TMPRSS15: variants seen among roughly 807,000 people sequenced by gnomAD.
TMPRSS15 encodes transmembrane serine protease 15, also known as enteropeptidase.
A neutral mutation model predicts 125.3 loss-of-function variants in TMPRSS15; 128 were observed. The observed-to-expected ratio is 1.02, with a 90% CI of 0.89 to 1.18. The LOEUF is 1.18. Among genes scored for constraint, TMPRSS15 ranks in the 50% most tolerant of loss-of-function variants. The pLI, the probability that TMPRSS15 is intolerant of heterozygous loss-of-function variation, is 0.00. For synonymous variants in TMPRSS15, 446 were observed against 423.2 expected (o/e 1.05, Z -0.66); for missense variants, 1,283 against 1,212.7 (o/e 1.06, Z -0.86).
intron 17 of TMPRSS15, among the ~76,000 whole-genome samples, chr21:18,314,705 G>A (rs752444773): frequency 1.8e-4 from 27 of 152,252 alleles, no homozygotes; most frequent in Non-Finnish European, 3.7e-4. Context: ...TACTCATAAT[G>A]TTATTGAGGT....
chr21:18,469,130 C>T (rs1601473895), intron 1 of TMPRSS15, among the ~76,000 whole-genome samples: 1 of 152,220 alleles, frequency 6.6e-6, no homozygotes, highest in African/African-American at 2.4e-5. Context: ...AGCTGCACTG[C>T]CAGCAGTTTT....
chr21:18,442,751 G>A (rs935579012), intron 1 of TMPRSS15, among the ~76,000 whole-genome samples: 2 of 152,178 alleles, frequency 1.3e-5, no homozygotes, highest in African/African-American at 4.8e-5. Context: ...CCCAAGCTTA[G>A]ATAAAATATT....
chr21:18,463,246 CAAAAAAAAAAAAAA>C lies in TMPRSS15; in HGVS notation c.10+22539_10+22552del, dbSNP rs57033426. Among the ~76,000 whole-genome samples the C allele has an allele frequency of 6.1e-4, 7 of 11,518 alleles. No individual in the cohort carries two copies. In the East Asian group the frequency reaches 0.014, roughly 24 times the overall value. The allele number at this position is 11,518 out of a possible 152,430, so 7.6% of individuals were successfully genotyped here. Reference sequence around the variant, plus strand: ...GAATATTTACCAAGCAAATGGAAAGCAAAAAAAAAAAAAAAAAAAAAAAAAAAAAAAGCCGGGGG... The same window carrying C: ...GAATATTTACCAAGCAAATGGAAAGCAAAAAAAAAAAAAAAAAGCCGGGGG... On this transcript the variant is annotated intron_variant, in intron 1 of 7. Transcript: ENST00000422787.
intron 1 of TMPRSS15, among the ~76,000 whole-genome samples, chr21:18,430,370 T>C (rs1364901100): frequency 6.6e-6 from 1 of 152,184 alleles, no homozygotes; most frequent in Non-Finnish European, 1.5e-5. Flanking sequence ...TTGGGTAATT[T>C]TATGTTGCTT....
At chr21:18,436,240 A>T (rs971804175) in intron 1 of TMPRSS15, among the ~76,000 whole-genome samples, 13 of 150,844 alleles carry the variant, frequency 8.6e-5, no homozygotes, top group African/African-American at 2.7e-4. Flanking sequence ...TCAATTTTGG[A>T]TCTTTCCTGC....
At chr21:18,344,141 A>G (rs2075480890) in intron 10 of TMPRSS15, 81 bp from the exon 11 acceptor site, 1 of 1,187,852 alleles carries the variant, frequency 8.4e-7, no homozygotes, top group Non-Finnish European at 1.2e-6. Flanking sequence ...TAAGCAGGAA[A>G]GAAAAACTTT....
upstream of TMPRSS15, among the ~76,000 whole-genome samples, chr21:18,404,996 T>A (rs928994175): frequency 6.6e-6 from 1 of 151,924 alleles, no homozygotes; most frequent in African/African-American, 2.4e-5. Flanking sequence ...TAGGGGACAA[T>A]TACAATAGGC....
intron 1 of TMPRSS15, among the ~76,000 whole-genome samples, chr21:18,447,397 G>C (rs1231097321): frequency 7.8e-6 from 1 of 127,820 alleles, no homozygotes; most frequent in Non-Finnish European, 1.6e-5. Context: ...CCCAGATCAT[G>C]CCATTGCATT....
At chr21:18,418,233 C>T (rs1013596861) in intron 1 of TMPRSS15, among the ~76,000 whole-genome samples, 3 of 152,156 alleles carry the variant, frequency 2.0e-5, no homozygotes, top group Non-Finnish European at 4.4e-5. Flanking sequence ...ACCCAAAATA[C>T]AGTGTCTAAG....
In TMPRSS15 at chr21:18,329,235, C is replaced by T. The variant is rs936248553; in HGVS notation, c.1714G>A (p.Asp572Asn). ...ACTACATCGTTAATATTTTCTAAGT[C>T]AAATTCTTGAAAATGAAGTTGTATA... ...KNIQLHFQEF[D>N]LENINDVVEI... The change falls in exon 15 of 25, where the codon GAC becomes AAC. Residue 572 changes from aspartate (D) to asparagine (N), a missense_variant. Coordinates refer to ENST00000284885, the MANE Select transcript of TMPRSS15 (RefSeq NM_002772.3). 5.0e-6 allele frequency: 8 copies of T among 1,612,290 alleles called. No homozygotes were observed. The highest frequency in any genetic ancestry group is 6.8e-6 in the Non-Finnish European group (8 of 1,178,836).
At chr21:18,447,687 T>C (rs138900824) in intron 1 of TMPRSS15, among the ~76,000 whole-genome samples, 5 of 152,102 alleles carry the variant, frequency 3.3e-5, no homozygotes, top group East Asian at 1.9e-4. Context: ...AGGGGCTTTT[T>C]CCCTCCTTCA....
intron 24 of TMPRSS15, among the ~76,000 whole-genome samples, chr21:18,271,587 T>G (rs983290527): frequency 2.0e-5 from 3 of 152,092 alleles, no homozygotes; most frequent in Admixed American, 6.5e-5. Context: ...TTACCTTAAT[T>G]TTCTTTTCTT....
At chr21:18,458,303 A>C (rs1473089488) in intron 1 of TMPRSS15, among the ~76,000 whole-genome samples, 1 of 152,148 alleles carries the variant, frequency 6.6e-6, no homozygotes, top group Non-Finnish European at 1.5e-5. Context: ...GGAAGGCATG[A>C]CAAAGCTTAC....
chr21:18,325,300 G>C (rs2075277822), intron 16 of TMPRSS15, among the ~76,000 whole-genome samples: 1 of 151,740 alleles, frequency 6.6e-6, no homozygotes, highest in South Asian at 2.1e-4. Context: ...TCTAAAATCA[G>C]TCACAAAATC....
intron 1 of TMPRSS15, among the ~76,000 whole-genome samples, chr21:18,456,801 T>C (rs1978450042): frequency 6.6e-6 from 1 of 152,116 alleles, no homozygotes; most frequent in Non-Finnish European, 1.5e-5. Context: ...TCAAACTCAA[T>C]AAAGATTTTC....
At position 18,319,396 on chromosome 21, in the gene TMPRSS15, ACAGT is replaced by A. The variant is rs1461871326; in HGVS notation, c.1922-4144_1922-4141del. ...AATATTTTTAACAGTAAAAACAGTA[ACAGT>A]AAAAAAAAATCTTCTTCACCGATTT... On this transcript the variant is annotated intron_variant, in intron 16 of 24. Transcript: ENST00000284885. Among the ~76,000 whole-genome samples, 471 of 142,520 alleles carry A rather than the reference ACAGT, an allele frequency of 3.3e-3. 1 individual carries two copies. The highest frequency in any genetic ancestry group is 0.012 in the African/African-American group (448 of 37,768). 93.5% of individuals were successfully genotyped at this position (142,520 alleles called of 152,430 possible).
At chr21:18,281,917 G>A (rs2074703402) in intron 21 of TMPRSS15, among the ~76,000 whole-genome samples, 1 of 151,832 alleles carries the variant, frequency 6.6e-6, no homozygotes, top group Non-Finnish European at 1.5e-5. Flanking sequence ...TTAACACGGT[G>A]AAACCCCGTC....
At chr21:18,341,176 C>T (rs994865322) in intron 13 of TMPRSS15, among the ~76,000 whole-genome samples, 7 of 152,168 alleles carry the variant, frequency 4.6e-5, no homozygotes, top group African/African-American at 1.7e-4. Context: ...TCCCTCCTGC[C>T]TCAGCCTCTC....
At chr21:18,329,079 AGAGT>A (rs1324521806) in intron 15 of TMPRSS15, 86 bp downstream of exon 15, 2 of 1,487,808 alleles carry the variant, frequency 1.3e-6, no homozygotes, top group African/African-American at 2.8e-5. Flanking sequence ...AAGTTGTAAA[AGAGT>A]GATTACATTA....
Sources: allele counts gnomAD v4.1 joint callset (sites outside exome capture counted in the v4.1 genomes callset), GRCh38; gene constraint gnomAD v4.1.1; transcripts MANE v1.5; gene names NCBI Gene and HGNC (gene_info 2026-07-23, HGNC 2026-07-21).